Variants in SMAD2 observed in about 807,000 individuals in gnomAD.
SMAD2 encodes the protein MAD homolog 2.
In SMAD2, 8 loss-of-function variants were observed where a neutral mutation model predicts 64.4. The observed-to-expected ratio is 0.12, with a 90% CI of 0.07 to 0.22. The LOEUF is 0.22. Among genes scored for constraint, SMAD2 ranks in the 10% least tolerant of loss-of-function variants. SMAD2 has a pLI of 1.00. For synonymous variants in SMAD2, 203 were observed against 195.8 expected (o/e 1.04, Z -0.31); for missense variants, 289 against 561.2 (o/e 0.51, Z 4.90).
chr18:47,843,181 A>G (rs1173912268), intron 10 of SMAD2, among the ~76,000 whole-genome samples: 1 of 152,224 alleles, frequency 6.6e-6, no homozygotes, highest in Non-Finnish European at 1.5e-5. Context: ...AAAAGGCTAG[A>G]GGTGCCAGGA....
Position 47,827,451 on chromosome 18 carries a change from C to CATCCCT in SMAD2, c.*14370_*14375dup, listed in dbSNP as rs1912794219. Reference sequence around the variant, plus strand: ...GGCAATAACGGTTAGAAAAAAAGCACATCCCTCTCCCTCTCCCGTCTCCCC... The same window carrying CATCCCT: ...GGCAATAACGGTTAGAAAAAAAGCACATCCCTATCCCTCTCCCTCTCCCGTCTCCCC... On this transcript the variant is annotated 3_prime_UTR_variant, in exon 11 of 11. Coordinates refer to ENST00000262160, the MANE Select transcript of SMAD2 (RefSeq NM_005901.6). 2 of 152,248 alleles carry CATCCCT rather than the reference C, an allele frequency of 1.3e-5. No homozygotes were observed. The highest frequency in any genetic ancestry group is 1.3e-4 in the Admixed American group (2 of 15,280). 9.4% of individuals were successfully genotyped at this position (152,248 alleles called of 1,614,324 possible). A position where few individuals can be genotyped will look rare whatever the true frequency, so the allele number is the denominator to read the frequency against.
intron 1 of SMAD2, among the ~76,000 whole-genome samples, 172 bp from the exon 2 acceptor site, chr18:47,896,981 G>A (rs1489988840): frequency 6.6e-6 from 1 of 152,138 alleles, no homozygotes; most frequent in Non-Finnish European, 1.5e-5. Context: ...ATGAATGATG[G>A]AAACAAACCC....
Position 47,833,809 on chromosome 18 carries a change from G to C in SMAD2, c.*8018C>G, listed in dbSNP as rs76235222. On this transcript the variant is annotated 3_prime_UTR_variant, in exon 11 of 11. Coordinates refer to ENST00000262160, the MANE Select transcript of SMAD2 (RefSeq NM_005901.6). ...ACTGGGAAATGCAGTAGACGCCAGA[G>C]CATCAAAGGCCATGTATTTCCTCAC... 4.3e-6 allele frequency: 1 copy of C among 230,852 alleles called. No homozygotes were observed. Among genetic ancestry groups the C allele is most frequent in the South Asian group, 1.8e-4 (1 of 5,492 alleles). 14.3% of individuals were successfully genotyped at this position (230,852 alleles called of 1,614,324 possible). A position where few individuals can be genotyped will look rare whatever the true frequency, so the allele number is the denominator to read the frequency against.
At chr18:47,854,503 T>C (rs1476755186) in intron 6 of SMAD2, among the ~76,000 whole-genome samples, 1 of 152,218 alleles carries the variant, frequency 6.6e-6, no homozygotes, top group Non-Finnish European at 1.5e-5. Context: ...TTTTTTAATT[T>C]CTTGTTTTTG....
chr18:47,925,223 T>A lies in SMAD2; in HGVS notation c.-54+5138A>T, dbSNP rs551415191. Among the ~76,000 whole-genome samples, 150 of 152,308 alleles carry A rather than the reference T, an allele frequency of 9.8e-4. 1 individual carries two copies. The highest frequency in any genetic ancestry group is 3.2e-3 in the African/African-American group (134 of 41,566). On this transcript the variant is annotated intron_variant, in intron 1 of 10. Coordinates refer to ENST00000262160, the MANE Select transcript of SMAD2 (RefSeq NM_005901.6). ...CAATGTAAAACCAGATTTTGAAAAA[T>A]GACAGGGCTACCTAGGATAATTAGT...
rs8087775 is a variant in SMAD2, at chr18:47,928,899, A to G, written c.-54+1462T>C. 7.5e-4 allele frequency among the ~76,000 whole-genome samples: 115 copies of G among 152,360 alleles called. 1 individual carries two copies. Among genetic ancestry groups the G allele is most frequent in the African/African-American group, 2.6e-3 (107 of 41,590 alleles). On this transcript the variant is annotated intron_variant, in intron 1 of 10. Coordinates refer to ENST00000262160, the MANE Select transcript of SMAD2 (RefSeq NM_005901.6). ...TCCAGCAGAGTTTAATATTTATAGT[A>G]AAAGTGGGCACACTCTTTAGAAATG...
intron 5 of SMAD2, among the ~76,000 whole-genome samples, chr18:47,865,486 T>TTTG (rs1161393276): frequency 6.6e-6 from 1 of 152,216 alleles, no homozygotes; most frequent in African/African-American, 2.4e-5. Context: ...ACTACAATTT[T>TTTG]TTGTTGTTGT....
rs1568041067 is a variant in SMAD2 at position 47,850,411 on chromosome 18, AATATATATAATATATT to A, written c.784+847_784+862del. Among the ~76,000 whole-genome samples the A allele has an allele frequency of 1.3e-3, 27 of 21,136 alleles. 4 individuals are homozygous for A. Among genetic ancestry groups the A allele is most frequent in the Non-Finnish European group, 1.6e-3 (22 of 13,460 alleles). The allele number at this position is 21,136 out of a possible 152,430, so 13.9% of individuals were successfully genotyped here. A position where few individuals can be genotyped will look rare whatever the true frequency, so the allele number is the denominator to read the frequency against. On this transcript the variant is annotated intron_variant, in intron 7 of 10. Coordinates refer to ENST00000262160, the MANE Select transcript of SMAD2 (RefSeq NM_005901.6). ...ATAATATATATTATATATTATGTATAATATATATAATATATTATATATATTATGTATAATATATATT... is the reference window on the plus strand; with the variant it reads ...ATAATATATATTATATATTATGTATAATATATATTATGTATAATATATATT...
intron 10 of SMAD2, among the ~76,000 whole-genome samples, chr18:47,843,122 A>G (rs771741955): frequency 1.1e-4 from 16 of 152,162 alleles, no homozygotes; most frequent in Non-Finnish European, 2.1e-4. Flanking sequence ...ACAACTTCCA[A>G]CTGCAGGTAT....
chr18:47,929,906 G>A (rs932447539), intron 1 of SMAD2, among the ~76,000 whole-genome samples: 1 of 152,016 alleles, frequency 6.6e-6, no homozygotes, highest in African/African-American at 2.4e-5. Flanking sequence ...TGATCACAGA[G>A]TTATCAGCTG....
chr18:47,901,914 T>C (rs183955664), intron 1 of SMAD2, among the ~76,000 whole-genome samples: 3 of 152,296 alleles, frequency 2.0e-5, no homozygotes, highest in South Asian at 4.1e-4. Context: ...ACTGGGTGTG[T>C]TGAAAATCAT....
intron 6 of SMAD2, among the ~76,000 whole-genome samples, chr18:47,861,777 G>T (rs770424933): frequency 1.5e-4 from 23 of 152,128 alleles, no homozygotes; most frequent in South Asian, 4.1e-4. Context: ...ACATCTTTGT[G>T]CAATCCACTA....
At chr18:47,903,552 A>G (rs1332660360) in intron 1 of SMAD2, among the ~76,000 whole-genome samples, 1 of 152,158 alleles carries the variant, frequency 6.6e-6, no homozygotes, top group African/African-American at 2.4e-5. Flanking sequence ...TTCAATCTCC[A>G]TTGTTTTTAT....
chr18:47,909,680 C>G (rs1443952259), intron 1 of SMAD2, among the ~76,000 whole-genome samples: 1 of 152,188 alleles, frequency 6.6e-6, no homozygotes, highest in East Asian at 1.9e-4. Context: ...TAAACACCGG[C>G]TGCCACAACA....
intron 7 of SMAD2, among the ~76,000 whole-genome samples, chr18:47,850,296 ATATATATTATG>A (rs1467965207): frequency 1.0e-4 from 4 of 40,084 alleles, no homozygotes; most frequent in Non-Finnish European, 1.6e-4. Context: ...ATTATGTATA[ATATATATTATG>A]TATGTTATAT....
chr18:47,897,641 TTTTA>T (rs2033500954), intron 1 of SMAD2, among the ~76,000 whole-genome samples: 1 of 152,194 alleles, frequency 6.6e-6, no homozygotes, highest in Non-Finnish European at 1.5e-5. Flanking sequence ...ATTTTTTTAT[TTTTA>T]TTTTTTTGCT....
intron 5 of SMAD2, among the ~76,000 whole-genome samples, chr18:47,865,821 G>GA (rs1325591253): frequency 6.6e-6 from 1 of 152,076 alleles, no homozygotes; most frequent in Non-Finnish European, 1.5e-5. Context: ...CATGTTGTCT[G>GA]AATAAAACAC....
At position 47,814,796 on chromosome 18, in the gene SMAD2, G is replaced by A. The variant is rs1912315899; in HGVS notation, c.*27031C>T. 6.6e-6 allele frequency: 1 copy of A among 152,254 alleles called. No homozygotes were observed. The highest frequency in any genetic ancestry group is 6.5e-5 in the Admixed American group (1 of 15,282). The allele number at this position is 152,254 out of a possible 1,614,324, so 9.4% of individuals were successfully genotyped here. A position where few individuals can be genotyped will look rare whatever the true frequency, so the allele number is the denominator to read the frequency against. On this transcript the variant is annotated 3_prime_UTR_variant, in exon 11 of 11. Coordinates refer to ENST00000262160, the MANE Select transcript of SMAD2 (RefSeq NM_005901.6). The stretch of plus-strand genomic sequence containing the variant: ...TGGCTTCCCAAAGCTTGAGCAAGAT[G>A]TTCAGTACATCCCAAAGTTCCAACA...
intron 1 of SMAD2, among the ~76,000 whole-genome samples, chr18:47,917,781 G>A (rs996878871): frequency 2.6e-5 from 4 of 151,980 alleles, no homozygotes; most frequent in Admixed American, 1.3e-4. Context: ...TTGAACTCCT[G>A]GACTCAACCA....
Sources: gnomAD v4.1 joint callset for allele counts (sites outside exome capture counted in the v4.1 genomes callset) on GRCh38, gnomAD v4.1.1 for gene constraint, MANE v1.5 for transcripts, NCBI Gene and HGNC (gene_info 2026-07-23, HGNC 2026-07-21) for gene names.